Variants in RPS6KC1 observed in about 807,000 individuals in gnomAD.
The protein encoded by RPS6KC1 is ribosomal protein S6 kinase C1, also known as inactive ribosomal protein S6 kinase delta-1.
A neutral mutation model predicts 103.8 loss-of-function variants in RPS6KC1; 54 were observed. The ratio of observed to expected loss-of-function variants is 0.52; its 90% CI spans 0.42 to 0.65. RPS6KC1 has a LOEUF of 0.65. Among genes scored for constraint, RPS6KC1 ranks in the 30% least tolerant of loss-of-function variants. RPS6KC1 has a pLI of 0.00. For missense variants in RPS6KC1, 1,151 were observed against 1,253.8 expected, an observed-to-expected ratio of 0.92 and a Z score of 1.24; for synonymous variants, 439 against 438.7, an observed-to-expected ratio of 1.00 and a Z score of -0.01.
At chr1:213,279,734 A>G (rs1289243747), downstream of RPS6KC1, among the ~76,000 whole-genome samples, 1 of 152,206 alleles carries the variant, frequency 6.6e-6, no homozygotes, top group African/African-American at 2.4e-5. Flanking sequence ...GGGAATATGG[A>G]TGATTTTTCC....
chr1:213,331,956 C>A, the RPS6KC1 span, among the ~76,000 whole-genome samples: 1 of 151,262 alleles, frequency 6.6e-6, no homozygotes, highest in Admixed American at 6.6e-5. Context: ...TGTATTTTTC[C>A]TGTGTCTGTT....
At chr1:213,504,491 C>G in the RPS6KC1 span, among the ~76,000 whole-genome samples, 2 of 152,190 alleles carry the variant, frequency 1.3e-5, no homozygotes, top group Non-Finnish European at 2.9e-5. Context: ...ACTTTTGGCT[C>G]ATACCCAGTG....
At chr1:213,357,447 T>C in the RPS6KC1 span, among the ~76,000 whole-genome samples, 1 of 152,226 alleles carries the variant, frequency 6.6e-6, no homozygotes, top group Non-Finnish European at 1.5e-5. Flanking sequence ...AGCTGGCTTC[T>C]GTGGATTGCA....
chr1:213,073,081 G>A (rs2079021666), intron 2 of RPS6KC1: 1 of 162,876 alleles, frequency 6.1e-6, no homozygotes, highest in Non-Finnish European at 1.3e-5. Flanking sequence ...TTAAAATATA[G>A]AATAATCTTG....
chr1:213,236,077 C>A (rs1427085599), intron 10 of RPS6KC1, among the ~76,000 whole-genome samples: 1 of 152,104 alleles, frequency 6.6e-6, no homozygotes, highest in Non-Finnish European at 1.5e-5. Flanking sequence ...GGAGCACAAA[C>A]CCTATTGTGA....
chr1:213,367,166 T>C, the RPS6KC1 span, among the ~76,000 whole-genome samples: 1 of 152,226 alleles, frequency 6.6e-6, no homozygotes, highest in Non-Finnish European at 1.5e-5. Flanking sequence ...TTCTAACTAA[T>C]ATAGAGTAGG....
intron 8 of RPS6KC1, among the ~76,000 whole-genome samples, chr1:213,182,063 AG>A (rs1448546025): frequency 1.3e-5 from 2 of 152,248 alleles, no homozygotes; most frequent in African/African-American, 4.8e-5. Flanking sequence ...GGGAGAGTAA[AG>A]GGACATAAAG....
At chr1:213,561,142 A>G in the RPS6KC1 span, among the ~76,000 whole-genome samples, 1 of 152,130 alleles carries the variant, frequency 6.6e-6, no homozygotes. Flanking sequence ...ATATACGTCT[A>G]CTCGGGTATT....
At chr1:213,640,201 A>G in the RPS6KC1 span, among the ~76,000 whole-genome samples, 1 of 151,746 alleles carries the variant, frequency 6.6e-6, no homozygotes, top group Non-Finnish European at 1.5e-5. Flanking sequence ...AGTATTCTGT[A>G]TTTCGTTATT....
the RPS6KC1 span, among the ~76,000 whole-genome samples, chr1:213,691,865 T>C: frequency 2.3e-4 from 35 of 152,310 alleles, no homozygotes; most frequent in African/African-American, 8.4e-4. Flanking sequence ...AGTGACCTTC[T>C]GGCTGGAGAG....
the RPS6KC1 span, among the ~76,000 whole-genome samples, chr1:213,449,820 G>A: frequency 2.6e-5 from 4 of 152,214 alleles, no homozygotes; most frequent in Admixed American, 1.3e-4. Context: ...CCGTGGTGAC[G>A]TTGCTGGCTT....
chr1:213,215,977 G>A (rs983908982), intron 8 of RPS6KC1, among the ~76,000 whole-genome samples: 16 of 152,098 alleles, frequency 1.1e-4, no homozygotes, highest in African/African-American at 3.9e-4. Context: ...CAACTAACGA[G>A]CAAAATAACC....
At chr1:213,159,615 C>G (rs1053568884) in intron 6 of RPS6KC1, among the ~76,000 whole-genome samples, 3 of 152,162 alleles carry the variant, frequency 2.0e-5, no homozygotes, top group African/African-American at 7.2e-5. Flanking sequence ...GTTGTATGAA[C>G]AGTTTACAAA....
At chr1:213,061,370 T>C (rs1041305937) in intron 1 of RPS6KC1, among the ~76,000 whole-genome samples, 1 of 152,218 alleles carries the variant, frequency 6.6e-6, no homozygotes, top group African/African-American at 2.4e-5. Flanking sequence ...TGTCTAATTA[T>C]GGTTTGTGCA....
At chr1:213,252,105 C>T (rs1332658184) in intron 12 of RPS6KC1, among the ~76,000 whole-genome samples, 1 of 152,210 alleles carries the variant, frequency 6.6e-6, no homozygotes, top group African/African-American at 2.4e-5. Flanking sequence ...TTTCTCTTTG[C>T]TCTTTAGTCA....
chr1:213,419,460 C>T, the RPS6KC1 span, among the ~76,000 whole-genome samples: 1 of 152,196 alleles, frequency 6.6e-6, no homozygotes, highest in Non-Finnish European at 1.5e-5. Context: ...CAGGCATGAT[C>T]TATTTAACTA....
chr1:213,290,135 A>G, the RPS6KC1 span, among the ~76,000 whole-genome samples: 1 of 100,612 alleles, frequency 9.9e-6, no homozygotes, highest in Middle Eastern at 7.6e-3. Flanking sequence ...AAACAGCGGG[A>G]CTCCGTCTCA....
the RPS6KC1 span, among the ~76,000 whole-genome samples, chr1:213,672,199 G>A: frequency 2.6e-5 from 4 of 152,052 alleles, no homozygotes; most frequent in African/African-American, 9.7e-5. Flanking sequence ...TTCGGCCTGG[G>A]AACATACTCA....
chr1:213,669,041 A>T, the RPS6KC1 span, among the ~76,000 whole-genome samples: 2 of 152,148 alleles, frequency 1.3e-5, no homozygotes, highest in Admixed American at 6.5e-5. Flanking sequence ...AACTTTCTTC[A>T]TATCAGCAAT....
Sources: gnomAD v4.1 joint callset for allele counts (sites outside exome capture counted in the v4.1 genomes callset) on GRCh38, gnomAD v4.1.1 for gene constraint, MANE v1.5 for transcripts, NCBI Gene and HGNC (gene_info 2026-07-23, HGNC 2026-07-21) for gene names.